The following MYO16 variants were observed in gnomAD, a reference collection of about 807,000 sequenced individuals.
The protein encoded by MYO16 is unconventional myosin-XVI.
MYO16 carries 94 observed loss-of-function variants against 205.3 expected under a neutral mutation model. The observed-to-expected ratio is 0.46, with a 90% CI of 0.39 to 0.54. MYO16 has a LOEUF of 0.54. MYO16 is among the 20% of genes least tolerant of loss of function. The probability of loss-of-function intolerance (pLI) is 0.00; values close to 1 mark genes in which losing one functional copy is unlikely to be tolerated. For synonymous variants in MYO16, 988 were observed against 954.0 expected (o/e 1.04, Z -0.66); for missense variants, 2,315 against 2,387.5 (o/e 0.97, Z 0.63).
At chr13:108,559,240 A>T in the MYO16 span, among the ~76,000 whole-genome samples, 5 of 151,908 alleles carry the variant, frequency 3.3e-5, no homozygotes, top group African/African-American at 1.2e-4. Context: ...CATAGGGAGC[A>T]CTCTGCGTGA....
At chr13:108,501,061 A>G in the MYO16 span, among the ~76,000 whole-genome samples, 2 of 152,186 alleles carry the variant, frequency 1.3e-5, no homozygotes, top group African/African-American at 4.8e-5. Flanking sequence ...AGCTGGAATC[A>G]AATCCAGATC....
chr13:108,572,121 C>G, the MYO16 span, among the ~76,000 whole-genome samples: 5 of 151,918 alleles, frequency 3.3e-5, no homozygotes, highest in African/African-American at 1.2e-4. Flanking sequence ...GAGTTGGGGT[C>G]TGGCTATGTT....
intron 21 of MYO16, among the ~76,000 whole-genome samples, chr13:109,004,868 T>A (rs188914387): frequency 1.1e-4 from 17 of 152,362 alleles, no homozygotes; most frequent in Admixed American, 1.1e-3. Flanking sequence ...TCAAATCGTA[T>A]TTGCCTTAAC....
intron 13 of MYO16, among the ~76,000 whole-genome samples, chr13:108,887,533 T>A (rs906873082): frequency 1.3e-5 from 2 of 152,196 alleles, no homozygotes; most frequent in Admixed American, 1.3e-4. Flanking sequence ...GTCAATCCTA[T>A]ATCATATAGT....
chr13:108,853,899 A>T lies in MYO16; in HGVS notation c.1249-1544A>T, dbSNP rs116195757. Among the ~76,000 whole-genome samples, 612 of 151,100 alleles carry T rather than the reference A, an allele frequency of 4.1e-3. 7 individuals are homozygous for T. Among genetic ancestry groups the T allele is most frequent in the African/African-American group, 0.014 (571 of 41,016 alleles). ...TGCCACCATTCTAACTAGAGTTCAT[A>T]AAAAAAATGTTCTGACCTTTCAACA... On this transcript the variant is annotated intron_variant, in intron 10 of 34. Transcript: ENST00000457511.
chr13:108,707,309 A>G (rs1169424481), intron 2 of MYO16, among the ~76,000 whole-genome samples: 2 of 152,162 alleles, frequency 1.3e-5, no homozygotes, highest in Non-Finnish European at 2.9e-5. Context: ...TCAATGGAAC[A>G]TAGGGATCAA....
At chr13:108,822,275 T>G (rs1344712693) in intron 8 of MYO16, among the ~76,000 whole-genome samples, 20 of 152,208 alleles carry the variant, frequency 1.3e-4, no homozygotes, top group Non-Finnish European at 8.8e-5. Flanking sequence ...TACATGTATA[T>G]AATTTAATCT....
intron 33 of MYO16, among the ~76,000 whole-genome samples, chr13:109,170,291 A>G (rs930905400): frequency 6.6e-6 from 1 of 152,166 alleles, no homozygotes; most frequent in Non-Finnish European, 1.5e-5. Context: ...ATGGAGTCCA[A>G]CCTCATTAGT....
chr13:108,770,708 C>T lies in MYO16; in HGVS notation c.508-14927C>T, dbSNP rs1885933360. 2.0e-5 allele frequency among the ~76,000 whole-genome samples: 3 copies of T among 152,324 alleles called. No homozygotes were observed. The South Asian group carries it at 6.2e-4, about 32-fold the overall frequency. On this transcript the variant is annotated intron_variant, in intron 4 of 34. Transcript: ENST00000457511. ...ATTTCCTAAGCACCCAAAGGATATTCTCTCACAGATCTTGCAATCCAGGAG... is the reference window on the plus strand; with the variant it reads ...ATTTCCTAAGCACCCAAAGGATATTTTCTCACAGATCTTGCAATCCAGGAG...
At chr13:108,804,647 C>A (rs1887060879) in intron 6 of MYO16, among the ~76,000 whole-genome samples, 1 of 152,262 alleles carries the variant, frequency 6.6e-6, no homozygotes, top group Admixed American at 6.5e-5. Flanking sequence ...ATGCTCTTAA[C>A]TCCTGCTATT....
intron 34 of MYO16, among the ~76,000 whole-genome samples, chr13:109,201,973 TAC>T (rs569241579): frequency 2.2e-4 from 34 of 151,168 alleles, no homozygotes; most frequent in African/African-American, 5.3e-4. Context: ...TATATATATG[TAC>T]ACACACACAC....
intron 6 of MYO16, among the ~76,000 whole-genome samples, chr13:108,804,897 T>C (rs9514919): frequency 0.64 from 97,209 of 152,090 alleles, 32,867 homozygotes; most frequent in East Asian, 0.77. Context: ...AAGTTCTAAA[T>C]GGTGAGAGCC....
At chr13:108,558,085 C>A in the MYO16 span, among the ~76,000 whole-genome samples, 5 of 151,986 alleles carry the variant, frequency 3.3e-5, no homozygotes, top group African/African-American at 7.3e-5. Context: ...ATTTTAGGAG[C>A]CTTACAGTAA....
chr13:108,838,931 T>C (rs1291232876), intron 9 of MYO16, among the ~76,000 whole-genome samples: 1 of 152,108 alleles, frequency 6.6e-6, no homozygotes, highest in Non-Finnish European at 1.5e-5. Context: ...GAAGAAGGTC[T>C]CTTTGGAAGT....
At chr13:109,078,174 A>G (rs1291630430) in intron 27 of MYO16, among the ~76,000 whole-genome samples, 1 of 151,894 alleles carries the variant, frequency 6.6e-6, no homozygotes, top group Non-Finnish European at 1.5e-5. Flanking sequence ...TCACGCCTGT[A>G]ATCCTAGCAT....
the MYO16 span, among the ~76,000 whole-genome samples, chr13:108,583,640 A>G: frequency 7.9e-5 from 12 of 152,198 alleles, no homozygotes; most frequent in Non-Finnish European, 1.8e-4. Context: ...GGGGATTTCA[A>G]TGCATCCATT....
intron 20 of MYO16, among the ~76,000 whole-genome samples, chr13:108,974,126 G>T (rs1490470657): frequency 6.6e-6 from 1 of 152,074 alleles, no homozygotes; most frequent in Non-Finnish European, 1.5e-5. Context: ...CTTTGATTTT[G>T]TTCTACTAAG....
chr13:109,022,117 A>G (rs1886044994), intron 23 of MYO16, among the ~76,000 whole-genome samples: 1 of 143,282 alleles, frequency 7.0e-6, no homozygotes, highest in Non-Finnish European at 1.5e-5. Context: ...ATATTTATAT[A>G]TACAAATATA....
At chr13:108,823,340 C>G in intron 9 of MYO16, 62 bp downstream of exon 9, 1 of 1,478,262 alleles carries the variant, frequency 6.8e-7, no homozygotes. Flanking sequence ...ATTTTAGAGC[C>G]CATATTAAGT....
Sources: gnomAD v4.1 joint callset for allele counts (sites outside exome capture counted in the v4.1 genomes callset) on GRCh38, gnomAD v4.1.1 for gene constraint, MANE v1.5 for transcripts, NCBI Gene and HGNC (gene_info 2026-07-23, HGNC 2026-07-21) for gene names.